The following NEGR1 variants were observed in gnomAD, a reference collection of about 807,000 sequenced individuals.
NEGR1 encodes the protein IgLON family member 4.
NEGR1 carries 10 observed loss-of-function variants against 40.9 expected under a neutral mutation model. That is an observed-to-expected ratio of 0.24 (90% confidence interval 0.15 to 0.42). The LOEUF is 0.42. Ranked by LOEUF, NEGR1 falls within the 10% of genes least tolerant of loss-of-function variation. NEGR1 has a pLI of 1.00. For missense variants in NEGR1, 352 were observed against 438.9 expected (o/e 0.80, Z 1.77); for synonymous variants, 185 against 166.8 (o/e 1.11, Z -0.84).
intron 2 of NEGR1, among the ~76,000 whole-genome samples, chr1:71,790,859 A>C (rs1156418937): frequency 6.6e-6 from 1 of 152,084 alleles, no homozygotes; most frequent in East Asian, 1.9e-4. Flanking sequence ...AAACTCAAGG[A>C]AAATGCCATT....
chr1:72,197,216 T>C (rs1048209567), intron 1 of NEGR1, among the ~76,000 whole-genome samples: 1 of 152,000 alleles, frequency 6.6e-6, no homozygotes, highest in Non-Finnish European at 1.5e-5. Context: ...AAGTTAATTT[T>C]AATCACTACA....
At chr1:71,450,921 AAAT>A (rs1438683374) in intron 6 of NEGR1, among the ~76,000 whole-genome samples, 4 of 151,582 alleles carry the variant, frequency 2.6e-5, no homozygotes, top group Non-Finnish European at 5.9e-5. Context: ...AGTGTGAAAA[AAAT>A]ACACATTTTT....
At chr1:71,441,307 T>C (rs1192982234) in intron 6 of NEGR1, among the ~76,000 whole-genome samples, 1 of 152,192 alleles carries the variant, frequency 6.6e-6, no homozygotes, top group Non-Finnish European at 1.5e-5. Flanking sequence ...GCCCCAATCT[T>C]TTAGCTTTCC....
intron 1 of NEGR1, among the ~76,000 whole-genome samples, chr1:72,124,379 G>T (rs1353783825): frequency 6.6e-6 from 1 of 151,730 alleles, no homozygotes; most frequent in South Asian, 2.1e-4. Context: ...GAGTTAAAGA[G>T]AACTGAAAAA....
At chr1:72,108,638 G>A (rs775918740) in intron 1 of NEGR1, among the ~76,000 whole-genome samples, 1 of 151,512 alleles carries the variant, frequency 6.6e-6, no homozygotes, top group Non-Finnish European at 1.5e-5. Context: ...CAGAATTCAT[G>A]AATATATAAA....
chr1:71,936,544 A>ATAAG (rs1472311662), intron 1 of NEGR1, among the ~76,000 whole-genome samples: 2 of 152,324 alleles, frequency 1.3e-5, no homozygotes, highest in African/African-American at 4.8e-5. Context: ...AGATAAAGAG[A>ATAAG]TAAGTATTGT....
intron 6 of NEGR1, among the ~76,000 whole-genome samples, chr1:71,571,600 G>A (rs1648808972): frequency 6.6e-6 from 1 of 151,950 alleles, no homozygotes; most frequent in African/African-American, 2.4e-5. Context: ...GACCAGCCTG[G>A]GCAACATGGC....
intron 1 of NEGR1, among the ~76,000 whole-genome samples, chr1:72,143,952 G>A (rs538576727): frequency 3.8e-5 from 4 of 104,596 alleles, no homozygotes; most frequent in Admixed American, 9.7e-5. Flanking sequence ...CATCCATTCA[G>A]TATTTTCAAC....
chr1:71,509,493 C>T (rs1014322554), intron 6 of NEGR1, among the ~76,000 whole-genome samples: 1 of 152,194 alleles, frequency 6.6e-6, no homozygotes, highest in East Asian at 1.9e-4. Context: ...ATACCCTGGG[C>T]TTATGTCTGG....
chr1:71,991,855 G>T (rs1049035413), intron 1 of NEGR1, among the ~76,000 whole-genome samples: 3 of 152,086 alleles, frequency 2.0e-5, no homozygotes, highest in Admixed American at 6.5e-5. Flanking sequence ...GCAGTGGCAC[G>T]ATCTCGACTC....
intron 6 of NEGR1, among the ~76,000 whole-genome samples, chr1:71,536,659 G>T (rs1647525436): frequency 6.6e-6 from 1 of 151,652 alleles, no homozygotes; most frequent in Non-Finnish European, 1.5e-5. Flanking sequence ...GATAACTATA[G>T]AATCCAGAGT....
chr1:71,915,300 T>C (rs1339097161), intron 2 of NEGR1, among the ~76,000 whole-genome samples: 1 of 152,134 alleles, frequency 6.6e-6, no homozygotes, highest in Non-Finnish European at 1.5e-5. Context: ...TGTGCTGTCA[T>C]CACTAAAGAA....
intron 2 of NEGR1, among the ~76,000 whole-genome samples, chr1:71,813,627 TCTC>T (rs1389466096): frequency 1.3e-5 from 2 of 152,132 alleles, no homozygotes; most frequent in African/African-American, 2.4e-5. Context: ...AGTTTGTAGT[TCTC>T]CTTGCAGAGG....
At chr1:71,482,717 G>T (rs764892981) in intron 6 of NEGR1, among the ~76,000 whole-genome samples, 5 of 151,844 alleles carry the variant, frequency 3.3e-5, no homozygotes, top group Non-Finnish European at 7.4e-5. Context: ...TTTTTATTAG[G>T]TTTATCTCAA....
intron 1 of NEGR1, among the ~76,000 whole-genome samples, chr1:72,116,485 T>C (rs567223307): frequency 2.3e-4 from 35 of 151,864 alleles, no homozygotes; most frequent in Non-Finnish European, 3.1e-4. Context: ...GACTTCATGA[T>C]TGAACTAATC....
intron 6 of NEGR1, among the ~76,000 whole-genome samples, chr1:71,473,048 A>G (rs1320344924): frequency 1.3e-5 from 2 of 152,030 alleles, no homozygotes; most frequent in African/African-American, 4.8e-5. Context: ...GTTAAGAAAA[A>G]CAGAGGGTAG....
At chr1:71,864,085 A>G (rs1030737323) in intron 2 of NEGR1, among the ~76,000 whole-genome samples, 16 of 151,994 alleles carry the variant, frequency 1.1e-4, no homozygotes, top group Non-Finnish European at 1.5e-4. Context: ...AGTAAATTAT[A>G]TTTTCTCCCT....
At chr1:72,073,064 G>C (rs1647542227) in intron 1 of NEGR1, among the ~76,000 whole-genome samples, 2 of 152,136 alleles carry the variant, frequency 1.3e-5, no homozygotes, top group Admixed American at 6.6e-5. Context: ...CCTATGTGAG[G>C]GAGGAAAAGG....
intron 6 of NEGR1, among the ~76,000 whole-genome samples, chr1:71,555,749 G>T (rs1372350345): frequency 6.6e-6 from 1 of 151,454 alleles, no homozygotes; most frequent in African/African-American, 2.4e-5. Flanking sequence ...TGAATGTTTG[G>T]AAATCACTTT....
Sources: gnomAD v4.1 joint callset for allele counts (sites outside exome capture counted in the v4.1 genomes callset) on GRCh38, gnomAD v4.1.1 for gene constraint, MANE v1.5 for transcripts, NCBI Gene and HGNC (gene_info 2026-07-23, HGNC 2026-07-21) for gene names.